The following SGCD variants were observed in gnomAD, a reference collection of about 807,000 sequenced individuals.
SGCD encodes the protein sarcoglycan delta, also known as delta-sarcoglycan.
In SGCD, 18 loss-of-function variants were observed where a neutral mutation model predicts 36.6. The observed-to-expected ratio is 0.49, with a 90% CI of 0.34 to 0.73. SGCD has a LOEUF of 0.73. Ranked by LOEUF, SGCD falls within the 30% of genes least tolerant of loss-of-function variation. The pLI, the probability that SGCD is intolerant of heterozygous loss-of-function variation, is 0.01. For synonymous variants in SGCD, 133 were observed against 130.6 expected, an observed-to-expected ratio of 1.02 and a Z score of -0.12; for missense variants, 387 against 346.7, an observed-to-expected ratio of 1.12 and a Z score of -0.92.
intron 3 of SGCD, among the ~76,000 whole-genome samples, chr5:156,128,663 G>A (rs1197137769): frequency 4.6e-5 from 7 of 152,034 alleles, no homozygotes; most frequent in East Asian, 1.9e-4. Context: ...GAGTTCTCAC[G>A]AGCTCTGATG....
chr5:156,233,375 C>T (rs1282934706), intron 3 of SGCD, among the ~76,000 whole-genome samples: 4 of 152,134 alleles, frequency 2.6e-5, no homozygotes, highest in Non-Finnish European at 2.9e-5. Context: ...TGTAGCTTGC[C>T]TGTTGGTTAT....
chr5:156,227,160 A>G (rs937831768), intron 3 of SGCD, among the ~76,000 whole-genome samples: 1 of 152,086 alleles, frequency 6.6e-6, no homozygotes, highest in Non-Finnish European at 1.5e-5. Context: ...CTTGGTCATG[A>G]AATTCCTTTC....
At chr5:155,733,825 C>T in the SGCD span, among the ~76,000 whole-genome samples, 3 of 152,006 alleles carry the variant, frequency 2.0e-5, no homozygotes, top group African/African-American at 7.2e-5. Context: ...ATCAAGTCTC[C>T]ATTTCTTCAT....
chr5:155,996,398 T>G (rs1287255178), intron 1 of SGCD, among the ~76,000 whole-genome samples: 5 of 152,154 alleles, frequency 3.3e-5, no homozygotes, highest in Non-Finnish European at 7.4e-5. Flanking sequence ...TCCAAAAATT[T>G]CAAAGCCAGC....
chr5:156,285,719 C>A (rs933150460), intron 3 of SGCD, among the ~76,000 whole-genome samples: 1 of 152,102 alleles, frequency 6.6e-6, no homozygotes, highest in Non-Finnish European at 1.5e-5. Flanking sequence ...ACCATAAAAA[C>A]CCTAGAAGAA....
chr5:156,328,895 G>A (rs2127701077), intron 1 of SGCD, among the ~76,000 whole-genome samples: 1 of 152,082 alleles, frequency 6.6e-6, no homozygotes, highest in African/African-American at 2.4e-5. Context: ...GACAGATTAG[G>A]AACTGGCATG....
At chr5:156,620,352 G>A (rs79867160) in intron 6 of SGCD, among the ~76,000 whole-genome samples, 2,672 of 152,318 alleles carry the variant, frequency 0.018, 32 homozygotes, top group Non-Finnish European at 0.029. Flanking sequence ...GAGATGTAAG[G>A]ACGTAGAACA....
chr5:155,747,411 A>G, the SGCD span, among the ~76,000 whole-genome samples: 1 of 152,154 alleles, frequency 6.6e-6, no homozygotes, highest in Non-Finnish European at 1.5e-5. Flanking sequence ...GGCTTTTAGA[A>G]ACTTGTGTAC....
intron 1 of SGCD, among the ~76,000 whole-genome samples, chr5:155,952,365 G>A (rs530017962): frequency 7.2e-5 from 11 of 151,800 alleles, no homozygotes; most frequent in African/African-American, 2.7e-4. Context: ...TTTTTTTAAT[G>A]TGACTGAATT....
intron 3 of SGCD, among the ~76,000 whole-genome samples, chr5:156,400,740 T>C (rs1459841349): frequency 6.6e-6 from 1 of 152,210 alleles, no homozygotes; most frequent in African/African-American, 2.4e-5. Context: ...ACATGCAGCT[T>C]TTTACTTCTT....
chr5:156,257,966 T>C (rs951678155), intron 3 of SGCD, among the ~76,000 whole-genome samples: 1 of 152,226 alleles, frequency 6.6e-6, no homozygotes, highest in African/African-American at 2.4e-5. Flanking sequence ...TTGAATAATA[T>C]GTGCGGTAAA....
the SGCD span, among the ~76,000 whole-genome samples, chr5:155,753,209 C>T: frequency 7.2e-5 from 11 of 152,016 alleles, no homozygotes; most frequent in African/African-American, 2.2e-4. Flanking sequence ...TGGTGGCACG[C>T]GCCTGTAGTC....
At chr5:155,905,270 A>G (rs1266035745) in intron 1 of SGCD, among the ~76,000 whole-genome samples, 1 of 152,214 alleles carries the variant, frequency 6.6e-6, no homozygotes, top group Non-Finnish European at 1.5e-5. Flanking sequence ...AGCTGATGCA[A>G]AAGTCATGAT....
chr5:156,239,604 T>C (rs1327119640), intron 3 of SGCD, among the ~76,000 whole-genome samples: 1 of 152,178 alleles, frequency 6.6e-6, no homozygotes, highest in African/African-American at 2.4e-5. Flanking sequence ...TTGTTTTCTA[T>C]CATACTTAAT....
At chr5:156,077,603 TATG>T (rs1320812903) in intron 1 of SGCD, among the ~76,000 whole-genome samples, 3 of 152,204 alleles carry the variant, frequency 2.0e-5, no homozygotes, top group African/African-American at 7.2e-5. Flanking sequence ...GGGTATATCA[TATG>T]ATAATTCCTG....
chr5:155,985,353 C>T (rs948252236), intron 1 of SGCD, among the ~76,000 whole-genome samples: 1 of 152,136 alleles, frequency 6.6e-6, no homozygotes, highest in Admixed American at 6.6e-5. Flanking sequence ...CTCTCATCTC[C>T]TAGAACTCAC....
chr5:155,812,874 A>G, the SGCD span, among the ~76,000 whole-genome samples: 42,119 of 152,022 alleles, frequency 0.28, 7,423 homozygotes, highest in East Asian at 0.44. Context: ...TCTAGTTGGG[A>G]AACCATTCAG....
chr5:155,999,974 A>C (rs189875159), intron 1 of SGCD, among the ~76,000 whole-genome samples: 1 of 152,212 alleles, frequency 6.6e-6, no homozygotes, highest in Non-Finnish European at 1.5e-5. Context: ...AGTAGGTTCT[A>C]TCTTCCTATC....
At chr5:156,080,288 T>A (rs1041360057) in intron 1 of SGCD, among the ~76,000 whole-genome samples, 10 of 152,128 alleles carry the variant, frequency 6.6e-5, no homozygotes, top group African/African-American at 2.4e-4. Context: ...GTCTCTGGGC[T>A]TGTGATTTGG....
Sources: allele counts gnomAD v4.1 joint callset (sites outside exome capture counted in the v4.1 genomes callset), GRCh38; gene constraint gnomAD v4.1.1; transcripts MANE v1.5; gene names NCBI Gene and HGNC (gene_info 2026-07-23, HGNC 2026-07-21).